LMBRD2: variants seen among roughly 807,000 people sequenced by gnomAD.
LMBRD2 encodes G protein-coupled receptor-associated protein LMBRD2.
A neutral mutation model predicts 94.4 loss-of-function variants in LMBRD2; 55 were observed. That is an observed-to-expected ratio of 0.58 (90% CI 0.47 to 0.73). The LOEUF (loss-of-function observed/expected upper bound fraction) is 0.73, where lower values mean the gene tolerates loss of function less well. Among genes scored for constraint, LMBRD2 ranks in the 30% least tolerant of loss-of-function variants. The pLI is 0.00. For missense variants in LMBRD2, 640 were observed against 831.9 expected (o/e 0.77, Z 2.84); for synonymous variants, 246 against 272.4 (o/e 0.90, Z 0.95).
intron 7 of LMBRD2, 53 bp downstream of exon 7, chr5:36,124,138 A>C (rs1330039744): frequency 4.9e-6 from 5 of 1,014,190 alleles, no homozygotes; most frequent in Admixed American, 2.2e-5. Flanking sequence ...CTTTTGGTAT[A>C]ATATTATATA....
chr5:36,142,979 C>T (rs1287107811), intron 2 of LMBRD2, among the ~76,000 whole-genome samples, 197 bp downstream of exon 2: 3 of 152,084 alleles, frequency 2.0e-5, no homozygotes, highest in Non-Finnish European at 4.4e-5. Flanking sequence ...CCAGTCTGGG[C>T]CTCCCAAAGT....
In LMBRD2 at chr5:36,137,409, C is replaced by T. The variant is rs1744297492; in HGVS notation, c.401G>A (p.Arg134Lys). The change falls in exon 5 of 18, where the codon AGA becomes AAA. Residue 134 changes from arginine (R) to lysine (K), a missense_variant. Physicochemically the swap from Arg to Lys is conservative, Grantham distance 26. This residue lies in a region of LMBRD2 where 457 missense variants were observed against 642.8 expected (regional missense o/e 0.71). Coordinates refer to ENST00000296603, the MANE Select transcript of LMBRD2 (RefSeq NM_001007527.2). Reference sequence around the variant, plus strand: ...TCCAGTGATGGAAAACCCTCCTGATCTTGCATATGACTGCATAAAAGGTAA... The same window carrying T: ...TCCAGTGATGGAAAACCCTCCTGATTTTGCATATGACTGCATAAAAGGTAA... ...ILLPFMQSYA[R>K]SGGFSITGKI... 1.3e-6 allele frequency: 2 copies of T among 1,594,530 alleles called. No homozygotes were observed. The highest frequency in any genetic ancestry group is 2.7e-5 in the African/African-American group (2 of 74,686).
intron 4 of LMBRD2, 105 bp from the exon 5 acceptor site, chr5:36,137,546 T>A: frequency 6.6e-6 from 4 of 606,632 alleles, no homozygotes; most frequent in Non-Finnish European, 1.1e-5. Context: ...GAATAGGTCT[T>A]CTCATTAATA....
At chr5:36,137,581 C>T (rs1399251073) in intron 4 of LMBRD2, 140 bp from the exon 5 acceptor site, 1 of 507,862 alleles carries the variant, frequency 2.0e-6, no homozygotes, top group African/African-American at 1.9e-5. Flanking sequence ...ATCATGAATA[C>T]TTAATAACTA....
intron 1 of LMBRD2, among the ~76,000 whole-genome samples, chr5:36,144,724 G>A (rs1744497931): frequency 6.6e-6 from 1 of 151,996 alleles, no homozygotes; most frequent in African/African-American, 2.4e-5. Context: ...GAGAACCAAT[G>A]AAATACTTCA....
intron 12 of LMBRD2, 24 bp from the exon 13 acceptor site, chr5:36,114,545 T>A (rs781607645): frequency 6.6e-7 from 1 of 1,516,310 alleles, no homozygotes; most frequent in South Asian, 1.4e-5. Flanking sequence ...AAAAAGTAAG[T>A]TAAATTGGAA....
In LMBRD2 at chr5:36,114,495, G is replaced by T; in HGVS notation, c.1569C>A (p.Ser523=). ...TSIMGSMKVL[S]FIADGFYIYY... is the part of the protein sequence containing the mutation. ...ATATATAGAATCCATCTGCAATAAA[G>T]GATAAAACTTTCATGGAACCCATAA... is the stretch of plus-strand genomic sequence containing the variant. Residue 523 remains serine, a synonymous_variant, in exon 13 of 18, where the codon TCC becomes TCA. Transcript: ENST00000296603. 3 of 1,559,802 alleles carry T rather than the reference G, an allele frequency of 1.9e-6. No individual in the cohort carries two copies. The highest frequency in any genetic ancestry group is 2.6e-6 in the Non-Finnish European group (3 of 1,159,094).
At chr5:36,117,942 T>C (rs1484931450) in intron 9 of LMBRD2, 26 bp from the exon 10 acceptor site, 2 of 1,524,800 alleles carry the variant, frequency 1.3e-6, no homozygotes, top group Non-Finnish European at 1.8e-6. Context: ...AAAAAATGAT[T>C]AGGAAAACTA....
At chr5:36,111,286 C>CA (rs1561512149) in intron 13 of LMBRD2, 28 bp from the exon 14 acceptor site, 2 of 1,387,246 alleles carry the variant, frequency 1.4e-6, no homozygotes, top group Non-Finnish European at 2.0e-6. Context: ...TTTAAAAAGA[C>CA]AAACATTATT....
At chr5:36,142,412 T>A (rs898715534) in intron 3 of LMBRD2, 90 bp downstream of exon 3, 1 of 669,976 alleles carries the variant, frequency 1.5e-6, no homozygotes, top group East Asian at 2.8e-5. Context: ...ATAACTTACA[T>A]AAATATAAAG....
intron 2 of LMBRD2, chr5:36,142,812 C>T: frequency 2.5e-6 from 1 of 403,372 alleles, no homozygotes; most frequent in East Asian, 4.7e-5. Context: ...GCAAGCTCCG[C>T]CTCCCGGATT....
At chr5:36,113,819 G>A (rs1432697088) in intron 13 of LMBRD2, among the ~76,000 whole-genome samples, 5 of 152,262 alleles carry the variant, frequency 3.3e-5, no homozygotes, top group Admixed American at 6.5e-5. Context: ...AGACAGATGC[G>A]AGAAGCCAAG....
In LMBRD2 at chr5:36,104,063, T is replaced by C. The variant is rs1416630209; in HGVS notation, c.2071A>G (p.Ile691Val). The C allele has an allele frequency of 1.2e-6, 2 of 1,610,444 alleles. No homozygotes were observed. Among genetic ancestry groups the C allele is most frequent in the East Asian group, 2.2e-5 (1 of 44,702 alleles). ...GRYLSMSRSD[I>V]FNDV The stretch of plus-strand genomic sequence containing the variant: ...TTCAGACTTTAAACATCATTAAATA[T>C]GTCACTGCGAGACATCGAGAGATAT... The change falls in exon 18 of 18, where the codon ATA (isoleucine) becomes GTA (valine). Residue 691 changes from isoleucine (I) to valine (V), a missense_variant. This residue lies in a region of LMBRD2 where 183 missense variants were observed against 189.1 expected (regional missense o/e 0.97). Coordinates refer to ENST00000296603, the MANE Select transcript of LMBRD2 (RefSeq NM_001007527.2).
Position 36,124,262 on chromosome 5 carries a change from C to T in LMBRD2, c.751G>A (p.Val251Ile), listed in dbSNP as rs1256555316. 1.3e-6 allele frequency: 2 copies of T among 1,563,418 alleles called. No individual in the cohort carries two copies. The highest frequency in any genetic ancestry group is 2.3e-5 in the South Asian group (2 of 88,868). ...EENLEDAMEEVRKVNESIKYN... is the reference protein window; with the variant it reads ...EENLEDAMEEIRKVNESIKYN... ...TTGATGCTTTCATTCACTTTACGAA[C>T]CTCCTATAAAAACAGTAAAATAAAT... Residue 251 changes from valine to isoleucine, a missense_variant, in exon 7 of 18, where the codon GTT (valine) becomes ATT (isoleucine). Physicochemically the swap from Val to Ile is conservative, Grantham distance 29. Around this residue, in one of 2 missense-constraint regions of LMBRD2, gnomAD observed 457 missense variants for 642.8 expected, o/e 0.71. Coordinates refer to ENST00000296603, the MANE Select transcript of LMBRD2 (RefSeq NM_001007527.2).
At chr5:36,135,434 A>G (rs1225339662) in intron 6 of LMBRD2, among the ~76,000 whole-genome samples, 3 of 152,186 alleles carry the variant, frequency 2.0e-5, no homozygotes, top group Non-Finnish European at 4.4e-5. Context: ...AAGTCTATAG[A>G]ATTGTTTATT....
intron 6 of LMBRD2, among the ~76,000 whole-genome samples, chr5:36,135,852 A>G (rs1744258689): frequency 6.6e-6 from 1 of 152,212 alleles, no homozygotes. Flanking sequence ...GATAGGAAAC[A>G]AAACTTACCA....
chr5:36,128,332 T>G (rs1297555817), intron 6 of LMBRD2, among the ~76,000 whole-genome samples: 1 of 152,186 alleles, frequency 6.6e-6, no homozygotes. Context: ...CTGCAAAGAC[T>G]ATAAAGAATA....
At chr5:36,117,271 A>G (rs1462511696) in intron 10 of LMBRD2, among the ~76,000 whole-genome samples, 3 of 152,192 alleles carry the variant, frequency 2.0e-5, no homozygotes, top group Admixed American at 6.5e-5. Context: ...TGAGTGCAAG[A>G]GTTCCAGACC....
intron 6 of LMBRD2, among the ~76,000 whole-genome samples, chr5:36,125,458 A>G (rs1018341749): frequency 6.6e-6 from 1 of 152,214 alleles, no homozygotes; most frequent in Non-Finnish European, 1.5e-5. Flanking sequence ...GCTCTTACAA[A>G]TCAACAGAAA....
Sources: gnomAD v4.1 joint callset for allele counts (sites outside exome capture counted in the v4.1 genomes callset) on GRCh38, gnomAD v4.1.1 for gene constraint, gnomAD v4.1.1 regional missense constraint, MANE v1.5 for transcripts, NCBI Gene and HGNC (gene_info 2026-07-23, HGNC 2026-07-21) for gene names.